MSI2: variants seen among roughly 807,000 people sequenced by gnomAD.
MSI2 encodes the protein RNA-binding protein Musashi homolog 2.
MSI2 carries 17 observed loss-of-function variants against 45.6 expected under a neutral mutation model. The observed-to-expected ratio is 0.37, with a 90% CI of 0.26 to 0.56. MSI2 has a LOEUF of 0.56. MSI2 is among the 20% of genes least tolerant of loss of function. The probability of loss-of-function intolerance (pLI) is 0.77; values close to 1 mark genes in which losing one functional copy is unlikely to be tolerated. For synonymous variants in MSI2, 156 were observed against 158.2 expected (o/e 0.99, Z 0.11); for missense variants, 293 against 444.2 (o/e 0.66, Z 3.06).
At chr17:57,698,339 C>G in the MSI2 span, among the ~76,000 whole-genome samples, 1 of 152,250 alleles carries the variant, frequency 6.6e-6, no homozygotes, top group African/African-American at 2.4e-5. Context: ...TGCCCACTTT[C>G]TGTGCCCGCA....
intron 11 of MSI2, among the ~76,000 whole-genome samples, chr17:57,671,798 G>A (rs968556297): frequency 1.3e-5 from 2 of 152,244 alleles, no homozygotes; most frequent in African/African-American, 4.8e-5. Flanking sequence ...TGTGCCGAGT[G>A]GCAGTCCCCA....
At chr17:57,348,788 A>G (rs910452080) in intron 5 of MSI2, among the ~76,000 whole-genome samples, 5 of 152,158 alleles carry the variant, frequency 3.3e-5, no homozygotes, top group Non-Finnish European at 7.3e-5. Context: ...GACTAACCCA[A>G]TGACCTATAG....
At chr17:57,359,279 C>G (rs765811344) in intron 5 of MSI2, among the ~76,000 whole-genome samples, 12 of 152,062 alleles carry the variant, frequency 7.9e-5, no homozygotes, top group Non-Finnish European at 1.3e-4. Flanking sequence ...GCATTTTAAT[C>G]TTTATTTATT....
chr17:57,363,586 G>T (rs148354846), intron 5 of MSI2, among the ~76,000 whole-genome samples: 1 of 152,188 alleles, frequency 6.6e-6, no homozygotes, highest in African/African-American at 2.4e-5. Context: ...AAAAAGTAAA[G>T]AAATTAGCTG....
At chr17:57,575,167 C>T (rs1439945973) in intron 7 of MSI2, among the ~76,000 whole-genome samples, 5 of 148,860 alleles carry the variant, frequency 3.4e-5, no homozygotes, top group East Asian at 2.0e-4. Flanking sequence ...CGCCACCCCC[C>T]GGCTGGAGCA....
intron 6 of MSI2, among the ~76,000 whole-genome samples, chr17:57,425,092 G>A (rs1358211588): frequency 6.6e-6 from 1 of 152,174 alleles, no homozygotes; most frequent in Non-Finnish European, 1.5e-5. Context: ...TTTCTTCCCA[G>A]GGTGGCGGAG....
intron 5 of MSI2, among the ~76,000 whole-genome samples, chr17:57,288,825 G>A (rs568989193): frequency 3.9e-5 from 6 of 152,230 alleles, no homozygotes; most frequent in African/African-American, 1.4e-4. Flanking sequence ...TTGTTGCAAG[G>A]GTGGAGGTTG....
chr17:57,685,369 C>T (rs1337773758), downstream of MSI2, among the ~76,000 whole-genome samples: 1 of 152,068 alleles, frequency 6.6e-6, no homozygotes. Context: ...AAACACCAGG[C>T]CAAGAGGAGT....
At chr17:57,665,135 C>T (rs1912272599) in intron 11 of MSI2, among the ~76,000 whole-genome samples, 1 of 152,200 alleles carries the variant, frequency 6.6e-6, no homozygotes, top group Non-Finnish European at 1.5e-5. Flanking sequence ...GCCCACGGCT[C>T]TCCAGCCTCC....
At chr17:57,597,241 G>T (rs918621033) in intron 8 of MSI2, among the ~76,000 whole-genome samples, 8 of 151,948 alleles carry the variant, frequency 5.3e-5, no homozygotes, top group Non-Finnish European at 1.2e-4. Context: ...AAAGCAGTGG[G>T]GCTGTGTTTC....
At chr17:57,631,734 T>C (rs371328327) in intron 10 of MSI2, 1 of 1,429,418 alleles carries the variant, frequency 7.0e-7, no homozygotes. Context: ...TTTTCCCCAC[T>C]CTGGACTTCT....
intron 7 of MSI2, among the ~76,000 whole-genome samples, chr17:57,587,733 C>G (rs1904434735): frequency 6.6e-6 from 1 of 152,216 alleles, no homozygotes; most frequent in South Asian, 2.1e-4. Context: ...CCAGCCAGGT[C>G]TGCAAGGCAG....
rs948794153 is a variant in MSI2, at chr17:57,680,801, A to T, written c.*1284A>T. The T allele has an allele frequency of 4.7e-5, 10 of 210,970 alleles. No individual in the cohort carries two copies. The highest frequency in any genetic ancestry group is 2.3e-4 in the African/African-American group (10 of 43,976). The allele number at this position is 210,970 out of a possible 1,614,324, so 13.1% of individuals were successfully genotyped here. A position where few individuals can be genotyped will look rare whatever the true frequency, so the allele number is the denominator to read the frequency against. Reference sequence around the variant, plus strand: ...ACATTCTTTTTCAGTCTTAATTTTTAAATATTTGATCATTTTCTATTGTCC... The same window carrying T: ...ACATTCTTTTTCAGTCTTAATTTTTTAATATTTGATCATTTTCTATTGTCC... On this transcript the variant is annotated 3_prime_UTR_variant, in exon 14 of 14. Coordinates refer to ENST00000284073, the MANE Select transcript of MSI2 (RefSeq NM_138962.4).
At chr17:57,480,851 A>G (rs918695385) in intron 6 of MSI2, among the ~76,000 whole-genome samples, 31 of 152,240 alleles carry the variant, frequency 2.0e-4, no homozygotes, top group African/African-American at 5.3e-4. Flanking sequence ...TTAGGTGAGC[A>G]TTGACAAGAA....
At chr17:57,399,100 C>T (rs1175922613) in intron 5 of MSI2, among the ~76,000 whole-genome samples, 1 of 152,168 alleles carries the variant, frequency 6.6e-6, no homozygotes, top group Non-Finnish European at 1.5e-5. Context: ...CCTCGATTTA[C>T]CAGGGAGACT....
chr17:57,476,193 T>C (rs1288706493), intron 6 of MSI2, among the ~76,000 whole-genome samples: 2 of 152,224 alleles, frequency 1.3e-5, no homozygotes, highest in Non-Finnish European at 2.9e-5. Context: ...CTGATTTACA[T>C]CAGCAGCTCC....
At chr17:57,425,297 C>T (rs1055836365) in intron 6 of MSI2, among the ~76,000 whole-genome samples, 1 of 151,268 alleles carries the variant, frequency 6.6e-6, no homozygotes, top group Non-Finnish European at 1.5e-5. Context: ...TTATTTTTAA[C>T]AGCATTATGA....
chr17:57,390,872 C>T (rs2083777653), intron 5 of MSI2, among the ~76,000 whole-genome samples: 1 of 152,114 alleles, frequency 6.6e-6, no homozygotes, highest in Admixed American at 6.6e-5. Flanking sequence ...GTAGTCTCGG[C>T]CATTCCTTCT....
In MSI2 at chr17:57,256,760, C is replaced by A; in HGVS notation, c.18C>A (p.Ser6Arg). Residue 6 changes from serine to arginine, a missense_variant, in exon 1 of 14, where the codon AGC (serine) becomes AGA (arginine). Coordinates refer to ENST00000284073, the MANE Select transcript of MSI2 (RefSeq NM_138962.4). ...GCTCAGATATGGAGGCAAATGGGAG[C>A]CAAGGCACCTCGGGCAGCGCCAACG... Reference protein sequence around the residue: MEANGSQGTSGSANDS... With the variant: MEANGRQGTSGSANDS... 6.8e-7 allele frequency: 1 copy of A among 1,474,018 alleles called. No homozygotes were observed. The highest frequency in any genetic ancestry group is 9.0e-7 in the Non-Finnish European group (1 of 1,113,520). The allele number at this position is 1,474,018 out of a possible 1,614,324, so 91.3% of individuals were successfully genotyped here.
Sources: allele counts gnomAD v4.1 joint callset (sites outside exome capture counted in the v4.1 genomes callset), GRCh38; gene constraint gnomAD v4.1.1; transcripts MANE v1.5; gene names NCBI Gene and HGNC (gene_info 2026-07-23, HGNC 2026-07-21).